PRPF18: variants seen among roughly 807,000 people sequenced by gnomAD.
PRPF18 encodes the protein pre-mRNA-splicing factor 18.
Under a neutral mutation model 46.5 loss-of-function variants are expected in PRPF18, and 38 were observed. The ratio of observed to expected loss-of-function variants is 0.82; its 90% CI spans 0.63 to 1.07. PRPF18 has a LOEUF of 1.07. Ranked by LOEUF, PRPF18 falls within the 50% of genes least tolerant of loss-of-function variation. PRPF18 has a pLI of 0.00. For missense variants in PRPF18, 263 were observed against 410.0 expected (o/e 0.64, Z 3.10); for synonymous variants, 152 against 146.7 (o/e 1.04, Z -0.26).
At chr10:13,595,086 G>C (rs2080014570) in intron 1 of PRPF18, among the ~76,000 whole-genome samples, 1 of 152,220 alleles carries the variant, frequency 6.6e-6, no homozygotes. Context: ...GAAGAATACA[G>C]TTTGAAGGCC....
intron 1 of PRPF18, among the ~76,000 whole-genome samples, chr10:13,595,407 C>T (rs2080019521): frequency 1.8e-4 from 1 of 5,676 alleles, no homozygotes. Flanking sequence ...TCTTTCTACA[C>T]AGCCCTTTCT....
chr10:13,602,208 A>C (rs980787665), intron 3 of PRPF18, among the ~76,000 whole-genome samples: 1 of 152,228 alleles, frequency 6.6e-6, no homozygotes, highest in Non-Finnish European at 1.5e-5. Context: ...TGATGGGTGA[A>C]ATAGGTATCT....
chr10:13,605,625 T>C lies in PRPF18; in HGVS notation c.250-6T>C. On this transcript the variant is annotated splice_polypyrimidine_tract_variant and splice_region_variant and intron_variant, in intron 3 of 9. Coordinates refer to ENST00000378572, the MANE Select transcript of PRPF18 (RefSeq NM_003675.4). ...AAATTTACTGGGTATCTGTTTCACT[T>C]TGTAGGTCATCAGAAGATTGAGAGA... The C allele has an allele frequency of 6.3e-7, 1 of 1,587,186 alleles. No individual in the cohort carries two copies. Among genetic ancestry groups the C allele is most frequent in the Non-Finnish European group, 8.5e-7 (1 of 1,170,016 alleles).
intron 9 of PRPF18, among the ~76,000 whole-genome samples, chr10:13,629,429 T>G (rs1272888953): frequency 6.6e-6 from 1 of 152,198 alleles, no homozygotes; most frequent in Non-Finnish European, 1.5e-5. Flanking sequence ...AAGTAAGTAA[T>G]AAAATGAATG....
intron 9 of PRPF18, among the ~76,000 whole-genome samples, chr10:13,621,732 ATCT>A (rs1393498209): frequency 6.6e-6 from 1 of 152,196 alleles, no homozygotes; most frequent in Admixed American, 6.5e-5. Context: ...AGGAATAATA[ATCT>A]TCTAATGATT....
the PRPF18 span, among the ~76,000 whole-genome samples, chr10:13,653,651 G>T: frequency 5.3e-5 from 8 of 152,190 alleles, no homozygotes; most frequent in Admixed American, 5.2e-4. Flanking sequence ...CGAGGAAGGG[G>T]CCTCCTTAAC....
downstream of PRPF18, among the ~76,000 whole-genome samples, chr10:13,634,037 C>CTGG (rs2080613437): frequency 6.6e-6 from 1 of 152,134 alleles, no homozygotes. Flanking sequence ...AAAATAATTT[C>CTGG]TGGTGGTGTG....
At chr10:13,636,281 G>T in the PRPF18 span, among the ~76,000 whole-genome samples, 1 of 152,198 alleles carries the variant, frequency 6.6e-6, no homozygotes, top group East Asian at 1.9e-4. Flanking sequence ...AATTAGCCAG[G>T]TGTGGTGGCG....
chr10:13,589,282 T>C (rs1443528376), intron 1 of PRPF18, among the ~76,000 whole-genome samples: 2 of 152,232 alleles, frequency 1.3e-5, no homozygotes, highest in Non-Finnish European at 2.9e-5. Flanking sequence ...CCGGGTGTTC[T>C]TAAGTGTAAA....
At chr10:13,642,320 G>A in the PRPF18 span, 3 of 152,322 alleles carry the variant, frequency 2.0e-5, no homozygotes, top group African/African-American at 7.2e-5. Flanking sequence ...TGCACCAAAT[G>A]TGCAGTGAAA....
intron 4 of PRPF18, among the ~76,000 whole-genome samples, chr10:13,606,298 TTG>T (rs2080183525): frequency 6.6e-6 from 1 of 152,244 alleles, no homozygotes; most frequent in Admixed American, 6.5e-5. Context: ...GACTCATAGA[TTG>T]TGTGTCTGGC....
At chr10:13,589,207 T>A (rs2079921156) in intron 1 of PRPF18, among the ~76,000 whole-genome samples, 1 of 152,258 alleles carries the variant, frequency 6.6e-6, no homozygotes, top group Admixed American at 6.5e-5. Flanking sequence ...TGAAGTGATC[T>A]GCTCACTTTG....
the PRPF18 span, among the ~76,000 whole-genome samples, chr10:13,650,074 G>A: frequency 1.1e-4 from 16 of 152,336 alleles, no homozygotes; most frequent in South Asian, 4.1e-4. Context: ...TGTGTGGCCT[G>A]CAAAGGGTAC....
chr10:13,595,761 G>T (rs2080026983), intron 1 of PRPF18, among the ~76,000 whole-genome samples: 1 of 152,116 alleles, frequency 6.6e-6, no homozygotes, highest in African/African-American at 2.4e-5. Flanking sequence ...GTAAAACTGT[G>T]CTTGTTGTGT....
In PRPF18 at chr10:13,616,282, G is replaced by C. The variant is rs543225112; in HGVS notation, c.793-116G>C. ...TAACAGTCATGGTAATATTTTCCAT[G>C]TGCCCAAAAGGTGGACGAAAATTAC... On this transcript the variant is annotated intron_variant, in intron 8 of 9. Transcript: ENST00000378572. The C allele has an allele frequency of 9.7e-4, 1,033 of 1,066,510 alleles. 3 individuals carry two copies. Among genetic ancestry groups the C allele is most frequent in the South Asian group, 1.5e-3 (92 of 60,668 alleles). 66.1% of individuals were successfully genotyped at this position (1,066,510 alleles called of 1,614,324 possible).
intron 4 of PRPF18, among the ~76,000 whole-genome samples, chr10:13,606,911 G>C (rs1252937863): frequency 1.3e-5 from 2 of 152,104 alleles, no homozygotes; most frequent in African/African-American, 4.8e-5. Flanking sequence ...CATAAGAAAT[G>C]CCAGTCATTT....
At chr10:13,600,922 G>T (rs958484729) in intron 3 of PRPF18, among the ~76,000 whole-genome samples, 2 of 152,022 alleles carry the variant, frequency 1.3e-5, no homozygotes, top group African/African-American at 4.8e-5. Context: ...GATTACAGGC[G>T]TGTGCCACCA....
At chr10:13,646,966 C>A in the PRPF18 span, 202 of 983,960 alleles carry the variant, frequency 2.1e-4, no homozygotes, top group Middle Eastern at 1.0e-3. Flanking sequence ...CTTTTTCCTG[C>A]CCGTACCACT....
chr10:13,654,786 C>T, the PRPF18 span: 1 of 490,004 alleles, frequency 2.0e-6, no homozygotes. Flanking sequence ...ACCTGGGATC[C>T]TAGGTCCCCG....
Sources: allele counts gnomAD v4.1 joint callset (sites outside exome capture counted in the v4.1 genomes callset), GRCh38; gene constraint gnomAD v4.1.1; transcripts MANE v1.5; gene names NCBI Gene and HGNC (gene_info 2026-07-23, HGNC 2026-07-21).